Variants in ABRAXAS1 observed in about 807,000 individuals in gnomAD.
ABRAXAS1 encodes abraxas 1, BRCA1 A complex subunit, also known as BRCA1-A complex subunit Abraxas 1.
In ABRAXAS1, 26 loss-of-function variants were observed where a neutral mutation model predicts 38.4. The ratio of observed to expected loss-of-function variants is 0.68; its 90% CI spans 0.50 to 0.94. The LOEUF (loss-of-function observed/expected upper bound fraction) is 0.94. Ranked by LOEUF, ABRAXAS1 falls within the 40% of genes least tolerant of loss-of-function variation. ABRAXAS1 has a pLI of 0.00. For synonymous variants in ABRAXAS1, 144 were observed against 165.5 expected, an observed-to-expected ratio of 0.87 and a Z score of 1.00; for missense variants, 438 against 481.9, an observed-to-expected ratio of 0.91 and a Z score of 0.85.
intron 2 of ABRAXAS1, chr4:83,478,263 A>C (rs1722858416): frequency 4.5e-6 from 3 of 672,188 alleles, no homozygotes; most frequent in Non-Finnish European, 8.6e-6. Context: ...ATCGTGGGAC[A>C]TGTGGATCTC....
At chr4:83,484,781 AG>A in intron 1 of ABRAXAS1, 1 of 446,820 alleles carries the variant, frequency 2.2e-6, no homozygotes, top group South Asian at 3.5e-5. Flanking sequence ...AGGATAGCAG[AG>A]GGAGGGCTAA....
chr4:83,475,831 T>TA (rs1392464412), intron 3 of ABRAXAS1, among the ~76,000 whole-genome samples: 22 of 152,186 alleles, frequency 1.4e-4, no homozygotes, highest in Non-Finnish European at 2.8e-4. Context: ...CACAATGTAT[T>TA]AGAGTTAACA....
intron 3 of ABRAXAS1, among the ~76,000 whole-genome samples, chr4:83,475,433 T>TA (rs1328468055): frequency 6.6e-6 from 1 of 152,180 alleles, no homozygotes; most frequent in Non-Finnish European, 1.5e-5. Flanking sequence ...GTCTGTAAGA[T>TA]AGTTATGCTG....
intron 1 of ABRAXAS1, 131 bp from the exon 2 acceptor site, chr4:83,482,375 G>C (rs1306562407): frequency 2.1e-5 from 11 of 518,390 alleles, no homozygotes; most frequent in Middle Eastern, 4.7e-4. Context: ...TGAAAGATCT[G>C]AGATGCTTCT....
Position 83,460,481 on chromosome 4 carries a change from G to A in ABRAXAS1, c.*1988C>T, listed in dbSNP as rs116415582. On this transcript the variant is annotated 3_prime_UTR_variant, in exon 9 of 9. Transcript: ENST00000321945. ...CACTTGTTTTTGTAGTTTTGTTTAC[G>A]TAGTGCCATATGGTTGTTTTCGAGC... The A allele has an allele frequency of 6.6e-3, 1,035 of 156,058 alleles. 4 individuals carry two copies. Among genetic ancestry groups the A allele is most frequent in the Non-Finnish European group, 0.011 (773 of 70,962 alleles). 9.7% of individuals were successfully genotyped at this position (156,058 alleles called of 1,614,324 possible). A position where few individuals can be genotyped will look rare whatever the true frequency, so the allele number is the denominator to read the frequency against.
rs1359902666 is a variant in ABRAXAS1 at position 83,461,841 on chromosome 4, A to G, written c.*628T>C. On this transcript the variant is annotated 3_prime_UTR_variant, in exon 9 of 9. Transcript: ENST00000321945. The stretch of plus-strand genomic sequence containing the variant: ...GTTTGTGTTGTGTTATAGTTGTGTA[A>G]TAATTAAGGCTGCCAGATTTAGCAA... The G allele has an allele frequency of 8.8e-6, 2 of 228,074 alleles. No homozygotes were observed. The highest frequency in any genetic ancestry group is 1.7e-5 in the Non-Finnish European group (2 of 114,998). The allele number at this position is 228,074 out of a possible 1,614,324, so 14.1% of individuals were successfully genotyped here.
In ABRAXAS1 at chr4:83,461,972, A is replaced by G. The variant is rs181541762; in HGVS notation, c.*497T>C. The G allele has an allele frequency of 1.7e-3, 391 of 229,312 alleles. 6 individuals are homozygous for G. The East Asian group carries it at 0.024, about 14-fold the overall frequency. 14.2% of individuals were successfully genotyped at this position (229,312 alleles called of 1,614,324 possible). Reference sequence around the variant, plus strand: ...TCTAGCCATAATGTACTTCTAAAAAAGTATCACTTAAGGAGAATTTTAATG... The same window carrying G: ...TCTAGCCATAATGTACTTCTAAAAAGGTATCACTTAAGGAGAATTTTAATG... On this transcript the variant is annotated 3_prime_UTR_variant, in exon 9 of 9. Transcript: ENST00000321945.
At position 83,485,002 on chromosome 4, in the gene ABRAXAS1, T is replaced by G; in HGVS notation, c.71A>C (p.Asn24Thr). 2.5e-6 allele frequency: 4 copies of G among 1,592,242 alleles called. No individual in the cohort carries two copies. Among genetic ancestry groups the G allele is most frequent in the Non-Finnish European group, 3.4e-6 (4 of 1,169,876 alleles). Residue 24 changes from asparagine to threonine, a missense_variant, in exon 1 of 9, where the codon AAC becomes ACC. Asn to Thr is a moderately conservative substitution (Grantham distance 65, BLOSUM62 0). Around this residue, in one of 3 missense-constraint regions of ABRAXAS1, gnomAD observed 60 missense variants for 31.1 expected, o/e 1.93. Transcript: ENST00000321945. ...VLGALAFQHL[N>T]TDSDTEGFLL... ...TCGGCTCACCGTGTCCGAGTCCGTG[T>G]TGAGGTGCTGGAAAGCGAGTGCGCC...
chr4:83,463,718 T>G (rs1424259708), intron 7 of ABRAXAS1, 110 bp from the exon 8 acceptor site: 1 of 487,652 alleles, frequency 2.1e-6, no homozygotes, highest in Non-Finnish European at 3.5e-6. Flanking sequence ...TACCCAAAAC[T>G]ATTTGCCTTT....
intron 7 of ABRAXAS1, among the ~76,000 whole-genome samples, chr4:83,466,227 G>A (rs908655997): frequency 6.6e-6 from 1 of 152,172 alleles, no homozygotes; most frequent in Non-Finnish European, 1.5e-5. Context: ...CAGACTTGCA[G>A]TGTTGTCTGA....
At position 83,467,519 on chromosome 4, in the gene ABRAXAS1, C is replaced by A. The variant is rs1165176553; in HGVS notation, c.616G>T (p.Asp206Tyr). ...TTATGTACCTCCTTTAAGGATCCAT[C>A]TTCTTCAAAAAATTTAGAGCTGTAA... ...QTHSSKFFEE[D>Y]GSLKEVHKIN... Residue 206 changes from aspartate (D) to tyrosine (Y), a missense_variant, in exon 7 of 9, where the codon GAT (aspartate) becomes TAT (tyrosine). Physicochemically the swap from Asp to Tyr is radical, Grantham distance 160. This residue lies in a region of ABRAXAS1 where 194 missense variants were observed against 269.0 expected (regional missense o/e 0.72). Transcript: ENST00000321945. 2 of 1,551,320 alleles carry A rather than the reference C, an allele frequency of 1.3e-6. No individual in the cohort carries two copies. The highest frequency in any genetic ancestry group is 2.7e-5 in the African/African-American group (2 of 73,426).
At chr4:83,464,404 C>T (rs1210062402) in intron 7 of ABRAXAS1, among the ~76,000 whole-genome samples, 1 of 151,918 alleles carries the variant, frequency 6.6e-6, no homozygotes, top group Admixed American at 6.6e-5. Flanking sequence ...ATACCAGTAA[C>T]TTTTGATGCC....
intron 7 of ABRAXAS1, chr4:83,463,828 T>TTG (rs1722243183): frequency 6.2e-6 from 2 of 324,922 alleles, no homozygotes; most frequent in South Asian, 1.2e-4. Flanking sequence ...ACATGTAACT[T>TTG]CTCATTTATA....
intron 7 of ABRAXAS1, among the ~76,000 whole-genome samples, chr4:83,466,198 C>T (rs985072583): frequency 6.6e-6 from 1 of 152,172 alleles, no homozygotes; most frequent in African/African-American, 2.4e-5. Flanking sequence ...TTCTTATCCC[C>T]CTCTCCTTTC....
chr4:83,459,861 A>T lies in ABRAXAS1; in HGVS notation c.*2608T>A, dbSNP rs1225165700. Reference sequence around the variant, plus strand: ...CGAATTATATCAATCTATTTCTATCATTTAAGAAAACTCAAATTTTCAAAT... The same window carrying T: ...CGAATTATATCAATCTATTTCTATCTTTTAAGAAAACTCAAATTTTCAAAT... On this transcript the variant is annotated 3_prime_UTR_variant, in exon 9 of 9. Coordinates refer to ENST00000321945, the MANE Select transcript of ABRAXAS1 (RefSeq NM_139076.3). The T allele has an allele frequency of 1.4e-6, 2 of 1,393,228 alleles. No individual in the cohort carries two copies. The highest frequency in any genetic ancestry group is 2.9e-5 in the African/African-American group (2 of 68,750). 86.3% of individuals were successfully genotyped at this position (1,393,228 alleles called of 1,614,324 possible).
intron 7 of ABRAXAS1, among the ~76,000 whole-genome samples, chr4:83,465,299 CAAAAAAA>C (rs35072866): frequency 1.1e-5 from 1 of 88,208 alleles, no homozygotes; most frequent in Admixed American, 1.5e-4. Flanking sequence ...GACTCTGTCT[CAAAAAAA>C]AAAAAAAAAA....
intron 2 of ABRAXAS1, chr4:83,478,289 G>C: frequency 1.5e-6 from 1 of 651,846 alleles, no homozygotes; most frequent in Middle Eastern, 2.6e-4. Flanking sequence ...GGGCACTTTG[G>C]ATGGTATTTT....
Position 83,463,507 on chromosome 4 carries a change from C to T in ABRAXAS1, c.783G>A (p.Gln261=). ...TTGTTTACTTACTTGCTGCCTGAAT[C>T]TGTGCTCCTCTCCTTTTCTCAATTT... ...KREIEKRRGA[Q]IQAAREKNIQ... is the part of the protein sequence containing the mutation. Residue 261 remains glutamine (Q), a synonymous_variant, in exon 8 of 9, where the codon CAG becomes CAA. Transcript: ENST00000321945. 6.2e-7 allele frequency: 1 copy of T among 1,602,474 alleles called. No individual in the cohort carries two copies. Among genetic ancestry groups the T allele is most frequent in the Non-Finnish European group, 8.5e-7 (1 of 1,175,224 alleles).
chr4:83,469,302 G>A, intron 5 of ABRAXAS1, 151 bp from the exon 6 acceptor site: 1 of 637,540 alleles, frequency 1.6e-6, no homozygotes, highest in South Asian at 2.1e-5. Flanking sequence ...AGAATTTACT[G>A]ACTTGAAACA....
Sources: gnomAD v4.1 joint callset for allele counts (sites outside exome capture counted in the v4.1 genomes callset) on GRCh38, gnomAD v4.1.1 for gene constraint, gnomAD v4.1.1 regional missense constraint, MANE v1.5 for transcripts, NCBI Gene and HGNC (gene_info 2026-07-23, HGNC 2026-07-21) for gene names.